Variants in MAP3K2 observed in about 807,000 individuals in gnomAD.
MAP3K2 encodes the protein mitogen-activated protein kinase kinase kinase 2, also known as MAP/ERK kinase kinase 2.
A neutral mutation model predicts 80.3 loss-of-function variants in MAP3K2; 24 were observed. The observed-to-expected ratio is 0.30, with a 90% CI of 0.22 to 0.42. The LOEUF is 0.42. MAP3K2 is among the 10% of genes least tolerant of loss of function. The pLI, the probability that MAP3K2 is intolerant of heterozygous loss-of-function variation, is 1.00. For synonymous variants in MAP3K2, 244 were observed against 253.7 expected (o/e 0.96, Z 0.36); for missense variants, 608 against 750.1 (o/e 0.81, Z 2.21).
intron 1 of MAP3K2, among the ~76,000 whole-genome samples, chr2:127,343,786 G>A (rs909283212): frequency 4.6e-5 from 7 of 152,174 alleles, no homozygotes; most frequent in Non-Finnish European, 1.0e-4. Context: ...GGGAGGCCTA[G>A]GCAGGCGGAT....
At chr2:127,361,210 G>C (rs1686882237) in intron 1 of MAP3K2, among the ~76,000 whole-genome samples, 1 of 151,470 alleles carries the variant, frequency 6.6e-6, no homozygotes, top group Admixed American at 6.6e-5. Flanking sequence ...CTATTCGGGA[G>C]GCTAAGGCAG....
rs1230018356 is a variant in MAP3K2 at position 127,299,224 on chromosome 2, A to G, written c.*8355T>C. On this transcript the variant is annotated 3_prime_UTR_variant, in exon 17 of 17. Coordinates refer to ENST00000682094, the MANE Select transcript of MAP3K2 (RefSeq NM_001371910.2). Reference sequence around the variant, plus strand: ...TTACATGGTACCGCATATTTAAAACAAAGTTTTCTTTAATACTACATTGTC... The same window carrying G: ...TTACATGGTACCGCATATTTAAAACGAAGTTTTCTTTAATACTACATTGTC... The G allele has an allele frequency of 6.6e-6, 1 of 152,194 alleles. No individual in the cohort carries two copies. Among genetic ancestry groups the G allele is most frequent in the Non-Finnish European group, 1.5e-5 (1 of 68,018 alleles). 9.4% of individuals were successfully genotyped at this position (152,194 alleles called of 1,614,324 possible).
chr2:127,345,544 G>C (rs1175168392), intron 1 of MAP3K2, among the ~76,000 whole-genome samples: 1 of 152,258 alleles, frequency 6.6e-6, no homozygotes, highest in East Asian at 1.9e-4. Flanking sequence ...AACACCTACA[G>C]AATAATCAAC....
rs966790957 is a variant in MAP3K2 at position 127,379,846 on chromosome 2, C to T, written c.-66+7606G>A. On this transcript the variant is annotated intron_variant, in intron 1 of 16. Coordinates refer to ENST00000682094, the MANE Select transcript of MAP3K2 (RefSeq NM_001371910.2). Reference sequence around the variant, plus strand: ...CACAGACAAGATGTGTGAACCTAAGCAAGTTGCTTATTGTCCCTGTGCTTC... The same window carrying T: ...CACAGACAAGATGTGTGAACCTAAGTAAGTTGCTTATTGTCCCTGTGCTTC... Among the ~76,000 whole-genome samples the T allele has an allele frequency of 2.6e-5, 4 of 152,176 alleles. No homozygotes were observed. In the East Asian group the frequency reaches 5.8e-4, roughly 22 times the overall value.
intron 2 of MAP3K2, among the ~76,000 whole-genome samples, chr2:127,341,784 G>A (rs954155286): frequency 3.9e-5 from 6 of 151,928 alleles, no homozygotes; most frequent in Non-Finnish European, 5.9e-5. Flanking sequence ...CACCCGACTC[G>A]GCCTCCCAAA....
At chr2:127,357,192 C>A (rs1686811337) in intron 1 of MAP3K2, among the ~76,000 whole-genome samples, 1 of 152,100 alleles carries the variant, frequency 6.6e-6, no homozygotes, top group Admixed American at 6.5e-5. Context: ...ATGTTCGGAC[C>A]AGAAGACTCA....
intron 1 of MAP3K2, among the ~76,000 whole-genome samples, chr2:127,360,368 T>TAA (rs58395927): frequency 1.0e-4 from 13 of 125,368 alleles, no homozygotes; most frequent in East Asian, 6.7e-4. Flanking sequence ...ATCACTGGTT[T>TAA]AAAAAAAAAA....
rs940343943 is a variant in MAP3K2 at position 127,317,536 on chromosome 2, T to C, written c.1326+93A>G. The C allele has an allele frequency of 2.7e-6, 3 of 1,107,822 alleles. No homozygotes were observed. In the Admixed American group the frequency reaches 8.9e-5, roughly 33 times the overall value. 68.6% of individuals were successfully genotyped at this position (1,107,822 alleles called of 1,614,324 possible). ...TCTTCCAAAATGTCCTTAACTAGGG[T>C]TAACATTTTATAATCTACGTTTTTG... On this transcript the variant is annotated intron_variant, in intron 14 of 16. Transcript: ENST00000682094.
At chr2:127,313,239 A>C (rs1573977926) in intron 15 of MAP3K2, among the ~76,000 whole-genome samples, 1 of 152,170 alleles carries the variant, frequency 6.6e-6, no homozygotes, top group East Asian at 1.9e-4. Context: ...TAGCTCCCTC[A>C]GTTCCTTTGC....
chr2:127,350,004 T>C (rs1573997154), intron 1 of MAP3K2, among the ~76,000 whole-genome samples: 1 of 152,006 alleles, frequency 6.6e-6, no homozygotes, highest in African/African-American at 2.4e-5. Flanking sequence ...CCTATAGCAT[T>C]TGCTACCACG....
intron 15 of MAP3K2, 138 bp downstream of exon 15, chr2:127,314,616 T>A (rs1685865967): frequency 2.9e-6 from 2 of 698,948 alleles, no homozygotes; most frequent in East Asian, 2.8e-5. Context: ...ACAGAGTCCA[T>A]AAGAAAGCAA....
At chr2:127,324,323 T>A in intron 9 of MAP3K2, 82 bp from the exon 10 acceptor site, 1 of 767,364 alleles carries the variant, frequency 1.3e-6, no homozygotes, top group Non-Finnish European at 2.1e-6. Context: ...TATCTATATC[T>A]ATCTGTGCCT....
In MAP3K2 at chr2:127,307,822, G is replaced by A. The variant is rs774596999; in HGVS notation, c.1635-18C>T. 1.3e-6 allele frequency: 2 copies of A among 1,513,948 alleles called. No individual in the cohort carries two copies. Among genetic ancestry groups the A allele is most frequent in the South Asian group, 2.4e-5 (2 of 83,812 alleles). The allele number at this position is 1,513,948 out of a possible 1,614,324, so 93.8% of individuals were successfully genotyped here. ...CAACACTCCTGAAAAGAAACAAAAA[G>A]AAATACATTACACAAACAACAACAT... On this transcript the variant is annotated intron_variant, in intron 16 of 16. Coordinates refer to ENST00000682094, the MANE Select transcript of MAP3K2 (RefSeq NM_001371910.2). The surrounding 1 kb of genome is among the most constrained non-coding windows in gnomAD (Gnocchi z 5.4).
intron 1 of MAP3K2, among the ~76,000 whole-genome samples, chr2:127,382,553 C>T (rs76102121): frequency 1.3e-5 from 2 of 152,172 alleles, no homozygotes; most frequent in Non-Finnish European, 2.9e-5. Context: ...TGTTTTCTTA[C>T]AAATTGACTC....
Position 127,326,747 on chromosome 2 carries a change from C to G in MAP3K2, c.537G>C (p.Arg179=). The G allele has an allele frequency of 1.9e-6, 3 of 1,608,216 alleles. No individual in the cohort carries two copies. Among genetic ancestry groups the G allele is most frequent in the Non-Finnish European group, 2.5e-6 (3 of 1,176,760 alleles). Residue 179 remains arginine, a synonymous_variant, in exon 8 of 17, where the codon CGG becomes CGC. Transcript: ENST00000682094. ...YIPDELHQVA[R]NGSFTSINSE... The stretch of plus-strand genomic sequence containing the variant: ...TGTTGATACTAGTGAATGACCCATT[C>G]CGGGCAACCTGGTGTAATTCATCTG...
Position 127,318,266 on chromosome 2 carries a change from G to T in MAP3K2, c.1097C>A (p.Ala366Asp), listed in dbSNP as rs748995143. Residue 366 changes from alanine (A) to aspartate (D), a missense_variant, in exon 13 of 17, where the codon GCC (alanine) becomes GAC (aspartate). Physicochemically the swap from Ala to Asp is moderately radical, Grantham distance 126. Around this residue, in one of 4 missense-constraint regions of MAP3K2, gnomAD observed 467 missense variants for 521.9 expected, o/e 0.89. Transcript: ENST00000682094. ...ATAACAGAGGTAGACCCTTCCAAAG[G>T]CTCCTTGGCCAAGCAGTTTGCCCAA... is the stretch of plus-strand genomic sequence containing the variant. ...WRLGKLLGQG[A>D]FGRVYLCYDV... 1.2e-6 allele frequency: 2 copies of T among 1,608,990 alleles called. No homozygotes were observed. The highest frequency in any genetic ancestry group is 1.7e-6 in the Non-Finnish European group (2 of 1,177,934).
chr2:127,347,770 G>T (rs1166057073), intron 1 of MAP3K2, among the ~76,000 whole-genome samples: 1 of 152,046 alleles, frequency 6.6e-6, no homozygotes, highest in African/African-American at 2.4e-5. Context: ...AATAGGCACT[G>T]AATAGCCACA....
chr2:127,382,005 C>T (rs534648670), intron 1 of MAP3K2, among the ~76,000 whole-genome samples: 1 of 152,048 alleles, frequency 6.6e-6, no homozygotes, highest in Non-Finnish European at 1.5e-5. Flanking sequence ...AAATCATTGT[C>T]ATTTTTAAAG....
At chr2:127,309,694 T>G (rs761747536) in intron 15 of MAP3K2, among the ~76,000 whole-genome samples, 3 of 152,200 alleles carry the variant, frequency 2.0e-5, no homozygotes, top group Non-Finnish European at 2.9e-5. Flanking sequence ...TGAGGAGTAC[T>G]GGGGTCAGGT....
Sources: allele counts gnomAD v4.1 joint callset (sites outside exome capture counted in the v4.1 genomes callset), GRCh38; gene constraint gnomAD v4.1.1; regional missense constraint gnomAD v4.1.1; non-coding constraint Gnocchi (gnomAD v3.1); transcripts MANE v1.5; gene names NCBI Gene and HGNC (gene_info 2026-07-23, HGNC 2026-07-21).